Variants in ENOX1 observed in about 807,000 individuals in gnomAD.
ENOX1 encodes the protein ecto-NOX disulfide-thiol exchanger 1, also known as candidate growth-related and time keeping constitutive hydroquinone (NADH) oxidase.
Under a neutral mutation model 82.5 loss-of-function variants are expected in ENOX1, and 42 were observed. The observed-to-expected ratio is 0.51, with a 90% CI of 0.40 to 0.66. The LOEUF is 0.66. ENOX1 is among the 30% of genes least tolerant of loss of function. The pLI is 0.00. For missense variants in ENOX1, 608 were observed against 811.6 expected (o/e 0.75, Z 3.05); for synonymous variants, 271 against 282.2 (o/e 0.96, Z 0.40).
intron 2 of ENOX1, among the ~76,000 whole-genome samples, chr13:43,586,151 C>T (rs1452052558): frequency 6.6e-6 from 1 of 152,234 alleles, no homozygotes; most frequent in Non-Finnish European, 1.5e-5. Context: ...CTCCCTACGT[C>T]TGCTCAGGCC....
At chr13:43,725,053 A>G (rs1493529) in intron 1 of ENOX1, among the ~76,000 whole-genome samples, 47,094 of 152,010 alleles carry the variant, frequency 0.31, 7,859 homozygotes, top group East Asian at 0.48. Flanking sequence ...GCCAAGGTAA[A>G]GTTCTCTGGC....
chr13:43,223,838 T>C (rs1460483162), intron 16 of ENOX1, among the ~76,000 whole-genome samples: 1 of 152,240 alleles, frequency 6.6e-6, no homozygotes, highest in Non-Finnish European at 1.5e-5. Context: ...AAAGTCATTG[T>C]CATTTTAGAT....
intron 2 of ENOX1, among the ~76,000 whole-genome samples, chr13:43,566,786 A>G (rs2079940899): frequency 6.6e-6 from 1 of 152,130 alleles, no homozygotes; most frequent in African/African-American, 2.4e-5. Context: ...TTAATAATTT[A>G]CTGAATTATA....
intron 5 of ENOX1, among the ~76,000 whole-genome samples, chr13:43,389,950 T>A (rs1220730056): frequency 3.3e-5 from 5 of 152,050 alleles, no homozygotes; most frequent in Non-Finnish European, 7.4e-5. Context: ...ACAAAAAAAA[T>A]TTTTTGGTCT....
intron 1 of ENOX1, among the ~76,000 whole-genome samples, chr13:43,777,821 AT>A (rs1272043900): frequency 3.3e-5 from 5 of 152,024 alleles, no homozygotes; most frequent in African/African-American, 7.3e-5. Flanking sequence ...AGTCTGTATT[AT>A]TTCTCAAAAT....
intron 2 of ENOX1, among the ~76,000 whole-genome samples, chr13:43,660,564 T>C (rs974321344): frequency 2.0e-5 from 3 of 152,202 alleles, no homozygotes; most frequent in African/African-American, 7.2e-5. Flanking sequence ...TAGTATATCA[T>C]TGCCCTAACG....
chr13:43,391,113 C>T (rs780918675), intron 5 of ENOX1, among the ~76,000 whole-genome samples: 17 of 152,164 alleles, frequency 1.1e-4, no homozygotes, highest in East Asian at 3.9e-4. Flanking sequence ...CCAATGAACC[C>T]GGCCCCCATT....
At chr13:43,343,088 A>G (rs1234290056) in intron 9 of ENOX1, among the ~76,000 whole-genome samples, 1 of 152,246 alleles carries the variant, frequency 6.6e-6, no homozygotes, top group African/African-American at 2.4e-5. Context: ...AGCAAAAGAT[A>G]AAAACATACA....
At chr13:43,280,371 T>C (rs549485546) in intron 12 of ENOX1, among the ~76,000 whole-genome samples, 2 of 152,360 alleles carry the variant, frequency 1.3e-5, no homozygotes, top group African/African-American at 4.8e-5. Context: ...CTCATTCAGT[T>C]TAACCACTGG....
chr13:43,663,654 C>T (rs554192472), intron 2 of ENOX1, among the ~76,000 whole-genome samples: 4 of 152,080 alleles, frequency 2.6e-5, no homozygotes, highest in East Asian at 1.9e-4. Flanking sequence ...TTTTGGCACA[C>T]GTCCAAAGGG....
At chr13:43,634,569 G>A (rs1026890319) in intron 2 of ENOX1, among the ~76,000 whole-genome samples, 2 of 152,162 alleles carry the variant, frequency 1.3e-5, no homozygotes, top group African/African-American at 2.4e-5. Flanking sequence ...ACAGGAGACG[G>A]CTGCCCAGGC....
At chr13:43,639,016 T>G (rs1206286945) in intron 2 of ENOX1, among the ~76,000 whole-genome samples, 1 of 152,102 alleles carries the variant, frequency 6.6e-6, no homozygotes, top group Non-Finnish European at 1.5e-5. Flanking sequence ...AAATGTGACA[T>G]ATACAGGCCG....
intron 2 of ENOX1, among the ~76,000 whole-genome samples, chr13:43,552,936 G>T (rs1019383144): frequency 1.1e-4 from 17 of 152,090 alleles, no homozygotes; most frequent in Admixed American, 2.0e-4. Flanking sequence ...ATTAATTTAA[G>T]GATATTGCTC....
chr13:43,626,260 C>A (rs1050948731), intron 2 of ENOX1, among the ~76,000 whole-genome samples: 3 of 151,760 alleles, frequency 2.0e-5, no homozygotes, highest in Admixed American at 2.0e-4. Context: ...GCTAATTGAT[C>A]TTTCAAATAA....
chr13:43,391,255 C>A (rs1161526242), intron 5 of ENOX1, among the ~76,000 whole-genome samples: 1 of 152,172 alleles, frequency 6.6e-6, no homozygotes, highest in Non-Finnish European at 1.5e-5. Flanking sequence ...CATTTCCTCT[C>A]AACCCCCTTT....
chr13:43,309,391 T>C (rs2047058601), intron 11 of ENOX1, among the ~76,000 whole-genome samples: 2 of 152,130 alleles, frequency 1.3e-5, no homozygotes, highest in African/African-American at 4.8e-5. Flanking sequence ...TTCTCACTCA[T>C]AGAGGTCCCT....
chr13:43,501,696 G>A (rs2076986000), intron 2 of ENOX1, among the ~76,000 whole-genome samples: 1 of 149,860 alleles, frequency 6.7e-6, no homozygotes, highest in African/African-American at 2.4e-5. Flanking sequence ...TAAAAAGTAT[G>A]TTGAGAAAAA....
chr13:43,594,619 T>A (rs1010196761), intron 2 of ENOX1, among the ~76,000 whole-genome samples: 1 of 152,166 alleles, frequency 6.6e-6, no homozygotes, highest in East Asian at 1.9e-4. Flanking sequence ...CTCACTGAAT[T>A]TTCACAACAA....
At chr13:43,747,729 C>T (rs1950101838) in intron 1 of ENOX1, among the ~76,000 whole-genome samples, 1 of 152,148 alleles carries the variant, frequency 6.6e-6, no homozygotes, top group Non-Finnish European at 1.5e-5. Flanking sequence ...GTGAACAGGC[C>T]CTCAAATTGG....
Sources: gnomAD v4.1 joint callset for allele counts (sites outside exome capture counted in the v4.1 genomes callset) on GRCh38, gnomAD v4.1.1 for gene constraint, MANE v1.5 for transcripts, NCBI Gene and HGNC (gene_info 2026-07-23, HGNC 2026-07-21) for gene names.